SPECC1: variants seen among roughly 807,000 people sequenced by gnomAD.
SPECC1 encodes the protein sperm antigen with calponin homology and coiled-coil domains 1, also known as cytospin-B.
Under a neutral mutation model 104.1 loss-of-function variants are expected in SPECC1, and 62 were observed. That is an observed-to-expected ratio of 0.60 (90% CI 0.49 to 0.74). SPECC1 has a LOEUF of 0.74. SPECC1 is among the 30% of genes least tolerant of loss of function. SPECC1 has a pLI of 0.00. For synonymous variants in SPECC1, 513 were observed against 501.6 expected (o/e 1.02, Z -0.30); for missense variants, 1,306 against 1,310.5 (o/e 1.00, Z 0.05).
chr17:20,216,272 C>A (rs1436043486), intron 4 of SPECC1, among the ~76,000 whole-genome samples: 1 of 152,062 alleles, frequency 6.6e-6, no homozygotes, highest in Non-Finnish European at 1.5e-5. Context: ...TCCCCCCCAC[C>A]CCCAAGCACT....
chr17:20,019,628 A>G (rs2044292793), intron 1 of SPECC1, among the ~76,000 whole-genome samples: 1 of 152,196 alleles, frequency 6.6e-6, no homozygotes, highest in Non-Finnish European at 1.5e-5. Flanking sequence ...ATAGCTGGAA[A>G]GTTGAGATTG....
At chr17:20,088,199 G>A (rs561456592) in intron 1 of SPECC1, among the ~76,000 whole-genome samples, 1 of 152,336 alleles carries the variant, frequency 6.6e-6, no homozygotes, top group East Asian at 1.9e-4. Flanking sequence ...GTTCTGTGTA[G>A]GGAGTGATGT....
chr17:20,032,418 G>A (rs2044853343), intron 1 of SPECC1, among the ~76,000 whole-genome samples: 1 of 151,802 alleles, frequency 6.6e-6, no homozygotes, highest in Non-Finnish European at 1.5e-5. Context: ...GATTAATGGT[G>A]TGCCACATTT....
rs539828565 is a variant in SPECC1 at position 20,245,515 on chromosome 17, CTG to C, written c.2352-407_2352-406del. On this transcript the variant is annotated intron_variant, in intron 7 of 14. Transcript: ENST00000395527. Reference sequence around the variant, plus strand: ...CTGTGAGATTTCATCTTTCCAAACTCTGTGTACTGCATGGGGGTTGGAGCACA... The same window carrying C: ...CTGTGAGATTTCATCTTTCCAAACTCTGTACTGCATGGGGGTTGGAGCACA... 1.5e-3 allele frequency among the ~76,000 whole-genome samples: 221 copies of C among 152,262 alleles called. 1 individual carries two copies. Among genetic ancestry groups the C allele is most frequent in the African/African-American group, 5.2e-3 (216 of 41,540 alleles).
At chr17:20,026,841 T>G (rs2044618993) in intron 1 of SPECC1, among the ~76,000 whole-genome samples, 1 of 152,174 alleles carries the variant, frequency 6.6e-6, no homozygotes, top group Non-Finnish European at 1.5e-5. Context: ...CTATTTTCAG[T>G]TTTTTGAAAA....
intron 3 of SPECC1, among the ~76,000 whole-genome samples, chr17:20,180,495 CAT>C (rs1423961172): frequency 6.6e-6 from 1 of 152,192 alleles, no homozygotes; most frequent in Non-Finnish European, 1.5e-5. Flanking sequence ...TGGTAAGAAA[CAT>C]ATTCTACTAA....
At chr17:20,269,547 C>T (rs908708512) in intron 12 of SPECC1, among the ~76,000 whole-genome samples, 3 of 152,174 alleles carry the variant, frequency 2.0e-5, no homozygotes, top group Admixed American at 6.5e-5. Flanking sequence ...CTCAGTCTCC[C>T]GAGTAGCTGG....
intron 3 of SPECC1, among the ~76,000 whole-genome samples, chr17:20,169,562 C>T (rs1313982702): frequency 1.3e-5 from 2 of 151,570 alleles, no homozygotes; most frequent in African/African-American, 4.9e-5. Context: ...GAATTAACAG[C>T]ATTAATTTTT....
intron 1 of SPECC1, among the ~76,000 whole-genome samples, 196 bp from the exon 2 acceptor site, chr17:20,096,435 G>C (rs1373098878): frequency 3.3e-5 from 5 of 152,180 alleles, no homozygotes; most frequent in Admixed American, 3.3e-4. Context: ...GGTAAAAGCT[G>C]TTATGGAGTT....
chr17:20,211,502 C>T (rs896349769), intron 4 of SPECC1, among the ~76,000 whole-genome samples: 10 of 152,266 alleles, frequency 6.6e-5, no homozygotes, highest in African/African-American at 2.4e-4. Context: ...AGGCCTCAGC[C>T]TGGCTGTGCA....
At chr17:20,149,070 A>G (rs1027434682) in intron 3 of SPECC1, among the ~76,000 whole-genome samples, 1 of 152,176 alleles carries the variant, frequency 6.6e-6, no homozygotes, top group Non-Finnish European at 1.5e-5. Context: ...TTAACTTAGT[A>G]TCTGACACAT....
rs187177793 is a variant in SPECC1, at chr17:20,071,747, T to C, written c.-21-24884T>C. ...TAACTTATTTAGGTATATTATTTTA[T>C]TATACAGTTGAATACATACTTATTT... On this transcript the variant is annotated intron_variant, in intron 1 of 14. Coordinates refer to ENST00000395527, the MANE Select transcript of SPECC1 (RefSeq NM_001243439.2). Among the ~76,000 whole-genome samples, 39 of 152,322 alleles carry C rather than the reference T, an allele frequency of 2.6e-4. No individual in the cohort carries two copies. In the East Asian group the frequency reaches 6.9e-3, roughly 27 times the overall value.
intron 1 of SPECC1, among the ~76,000 whole-genome samples, chr17:20,045,079 T>C (rs1212350423): frequency 6.6e-6 from 1 of 152,268 alleles, no homozygotes; most frequent in African/African-American, 2.4e-5. Context: ...AGTATAGATA[T>C]ACAACTTAGT....
intron 1 of SPECC1, among the ~76,000 whole-genome samples, chr17:20,045,102 T>C (rs1234297537): frequency 1.3e-5 from 2 of 152,258 alleles, no homozygotes; most frequent in Non-Finnish European, 2.9e-5. Context: ...AACATCTCAA[T>C]ATTCTGCTGA....
chr17:20,310,294 T>G (rs1808873241), intron 14 of SPECC1, among the ~76,000 whole-genome samples: 1 of 152,262 alleles, frequency 6.6e-6, no homozygotes, highest in African/African-American at 2.4e-5. Flanking sequence ...CTGTTTTAAG[T>G]TCTTTGAGAA....
intron 2 of SPECC1, among the ~76,000 whole-genome samples, chr17:20,103,688 C>T (rs2048048743): frequency 6.6e-6 from 1 of 152,132 alleles, no homozygotes; most frequent in Admixed American, 6.5e-5. Flanking sequence ...CTGCTGCAGT[C>T]TCCCTAGGAG....
At chr17:20,175,946 A>G (rs1460158170) in intron 3 of SPECC1, among the ~76,000 whole-genome samples, 1 of 152,254 alleles carries the variant, frequency 6.6e-6, no homozygotes, top group Admixed American at 6.5e-5. Flanking sequence ...CCTATGGCAC[A>G]TTGAGTAGAG....
intron 2 of SPECC1, among the ~76,000 whole-genome samples, 153 bp from the exon 3 acceptor site, chr17:20,110,274 A>G (rs1236716216): frequency 6.6e-6 from 1 of 152,086 alleles, no homozygotes; most frequent in African/African-American, 2.4e-5. Flanking sequence ...GTAGCTTTGC[A>G]TTTTTTCACT....
intron 1 of SPECC1, among the ~76,000 whole-genome samples, chr17:20,075,189 C>T (rs2046710848): frequency 6.6e-6 from 1 of 152,172 alleles, no homozygotes; most frequent in Non-Finnish European, 1.5e-5. Flanking sequence ...AGGCGTGAGC[C>T]CCCACACCTG....
Sources: gnomAD v4.1 joint callset for allele counts (sites outside exome capture counted in the v4.1 genomes callset) on GRCh38, gnomAD v4.1.1 for gene constraint, MANE v1.5 for transcripts, NCBI Gene and HGNC (gene_info 2026-07-23, HGNC 2026-07-21) for gene names.